KCNJ6: variants seen among roughly 807,000 people sequenced by gnomAD.
KCNJ6 encodes the protein potassium inwardly rectifying channel subfamily J member 6.
In KCNJ6, 9 loss-of-function variants were observed where a neutral mutation model predicts 34.2. That is an observed-to-expected ratio of 0.26 (90% CI 0.16 to 0.46). KCNJ6 has a LOEUF of 0.46. Ranked by LOEUF, KCNJ6 falls within the 20% of genes least tolerant of loss-of-function variation. The pLI is 1.00. For missense variants in KCNJ6, 236 were observed against 531.3 expected, an observed-to-expected ratio of 0.44 and a Z score of 5.46; for synonymous variants, 196 against 207.1, an observed-to-expected ratio of 0.95 and a Z score of 0.46.
intron 3 of KCNJ6, among the ~76,000 whole-genome samples, chr21:37,664,760 C>T (rs1170391193): frequency 1.3e-5 from 2 of 148,508 alleles, no homozygotes; most frequent in South Asian, 2.1e-4. Context: ...ATAATTCCAA[C>T]GTTATGGAGA....
At chr21:37,823,786 T>C (rs1345775790) in intron 2 of KCNJ6, among the ~76,000 whole-genome samples, 2 of 152,046 alleles carry the variant, frequency 1.3e-5, no homozygotes, top group Non-Finnish European at 1.5e-5. Flanking sequence ...TAATACACCA[T>C]AGAAGCAGAG....
rs569506526 is a variant in KCNJ6, at chr21:37,752,632, G to A, written c.26-37501C>T. On this transcript the variant is annotated intron_variant, in intron 2 of 3. Transcript: ENST00000609713. ...GCCACAGGGTCACCATAATGTGACC[G>A]TGCTCATAAATCCTGGGGACAAATG... Among the ~76,000 whole-genome samples, 129 of 152,244 alleles carry A rather than the reference G, an allele frequency of 8.5e-4. 1 individual carries two copies. Among genetic ancestry groups the A allele is most frequent in the Admixed American group, 2.0e-3 (30 of 15,300 alleles).
intron 1 of KCNJ6, among the ~76,000 whole-genome samples, chr21:37,864,014 G>A (rs542180415): frequency 3.3e-5 from 5 of 152,112 alleles, no homozygotes; most frequent in Admixed American, 3.3e-4. Context: ...GGCATCACAA[G>A]CCGGGTTGTG....
chr21:37,760,383 G>A (rs2055054798), intron 2 of KCNJ6, among the ~76,000 whole-genome samples: 1 of 152,202 alleles, frequency 6.6e-6, no homozygotes, highest in Admixed American at 6.5e-5. Context: ...GACAGAGGCA[G>A]TCTGATTCCA....
At chr21:37,640,032 T>C (rs1436939305) in intron 3 of KCNJ6, among the ~76,000 whole-genome samples, 4 of 152,214 alleles carry the variant, frequency 2.6e-5, no homozygotes, top group African/African-American at 9.6e-5. Flanking sequence ...TCTATAGCAG[T>C]GAAAGAATGA....
chr21:37,761,856 T>G (rs1248463783), intron 2 of KCNJ6, among the ~76,000 whole-genome samples: 14 of 152,118 alleles, frequency 9.2e-5, no homozygotes, highest in Admixed American at 9.2e-4. Flanking sequence ...GTGCGGTGCA[T>G]GTTCATGCAC....
intron 1 of KCNJ6, among the ~76,000 whole-genome samples, chr21:37,853,533 G>A (rs2055547726): frequency 1.3e-5 from 2 of 151,994 alleles, no homozygotes; most frequent in Non-Finnish European, 2.9e-5. Flanking sequence ...TGAAAGAAAG[G>A]AAGTTCTCTC....
chr21:37,684,094 AC>A (rs1395450322), intron 3 of KCNJ6, among the ~76,000 whole-genome samples: 1 of 152,238 alleles, frequency 6.6e-6, no homozygotes, highest in African/African-American at 2.4e-5. Context: ...GGCTGTCATA[AC>A]GAAGTATCAC....
chr21:37,677,589 T>G (rs2054570421), intron 3 of KCNJ6, among the ~76,000 whole-genome samples: 1 of 152,090 alleles, frequency 6.6e-6, no homozygotes, highest in African/African-American at 2.4e-5. Flanking sequence ...ATGGGGCTGT[T>G]TTCCATAACA....
chr21:37,767,572 G>A (rs2055097578), intron 2 of KCNJ6, among the ~76,000 whole-genome samples: 1 of 152,188 alleles, frequency 6.6e-6, no homozygotes, highest in South Asian at 2.1e-4. Flanking sequence ...GGAGAGGCAG[G>A]AAAGTGAGAA....
At position 37,655,743 on chromosome 21, in the gene KCNJ6, C is replaced by T. The variant is rs572059288; in HGVS notation, c.947-30259G>A. Among the ~76,000 whole-genome samples the T allele has an allele frequency of 7.4e-5, 11 of 148,796 alleles. No homozygotes were observed. In the South Asian group the frequency reaches 2.1e-3, roughly 28 times the overall value. On this transcript the variant is annotated intron_variant, in intron 3 of 3. Coordinates refer to ENST00000609713, the MANE Select transcript of KCNJ6 (RefSeq NM_002240.5). ...ACCAGGGAGCTCTGTGTCAGCATGA[C>T]TCCCATGCATGGGGAAGCATTTTTC...
chr21:37,701,394 T>C (rs1463587792), intron 3 of KCNJ6, among the ~76,000 whole-genome samples: 1 of 110,084 alleles, frequency 9.1e-6, no homozygotes, highest in Non-Finnish European at 2.1e-5. Context: ...AGGTTAACTT[T>C]TTGTGTGTGT....
intron 2 of KCNJ6, among the ~76,000 whole-genome samples, chr21:37,766,515 C>T (rs2055091935): frequency 6.6e-6 from 1 of 152,120 alleles, no homozygotes; most frequent in Non-Finnish European, 1.5e-5. Flanking sequence ...AACCAACGGG[C>T]CTGGTAAATT....
At chr21:37,740,975 G>T (rs899307504) in intron 2 of KCNJ6, among the ~76,000 whole-genome samples, 9 of 152,184 alleles carry the variant, frequency 5.9e-5, no homozygotes, top group African/African-American at 2.2e-4. Context: ...GAATGTTGGG[G>T]GTACCCCATG....
At chr21:37,635,645 G>A (rs2054354409) in intron 3 of KCNJ6, among the ~76,000 whole-genome samples, 1 of 151,946 alleles carries the variant, frequency 6.6e-6, no homozygotes, top group East Asian at 1.9e-4. Flanking sequence ...AGCCTCCTGA[G>A]TAGCTGGGAT....
intron 3 of KCNJ6, among the ~76,000 whole-genome samples, chr21:37,668,983 A>C (rs560290478): frequency 6.6e-6 from 1 of 152,300 alleles, no homozygotes; most frequent in African/African-American, 2.4e-5. Context: ...CTCCCAATCC[A>C]GAAGAGATTA....
Position 37,702,766 on chromosome 21 carries a change from G to T in KCNJ6, c.946+11445C>A, listed in dbSNP as rs564272813. Among the ~76,000 whole-genome samples the T allele has an allele frequency of 2.6e-5, 4 of 152,306 alleles. No individual in the cohort carries two copies. In the East Asian group the frequency reaches 7.7e-4, roughly 29 times the overall value. ...GAGGCATTTTGGGAAGAGGAGAATAGCTTGCAGAAGAGAATGGAAAGGCAC... is the reference window on the plus strand; with the variant it reads ...GAGGCATTTTGGGAAGAGGAGAATATCTTGCAGAAGAGAATGGAAAGGCAC... On this transcript the variant is annotated intron_variant, in intron 3 of 3. Transcript: ENST00000609713.
chr21:37,650,893 A>T (rs2054430107), intron 3 of KCNJ6, among the ~76,000 whole-genome samples: 1 of 152,206 alleles, frequency 6.6e-6, no homozygotes, highest in South Asian at 2.1e-4. Context: ...AAGCTCGATA[A>T]ATACTTGATA....
intron 3 of KCNJ6, among the ~76,000 whole-genome samples, chr21:37,639,746 T>C (rs1569435281): frequency 6.6e-6 from 1 of 152,222 alleles, no homozygotes; most frequent in Admixed American, 6.5e-5. Context: ...ATCCTCAATG[T>C]TGGAGGTGGC....
Sources: gnomAD v4.1 joint callset for allele counts (sites outside exome capture counted in the v4.1 genomes callset) on GRCh38, gnomAD v4.1.1 for gene constraint, MANE v1.5 for transcripts, NCBI Gene and HGNC (gene_info 2026-07-23, HGNC 2026-07-21) for gene names.